The following NT5DC3 variants were observed in gnomAD, a reference collection of about 807,000 sequenced individuals.
NT5DC3 encodes the protein 5'-nucleotidase domain containing 3.
Under a neutral mutation model 67.8 loss-of-function variants are expected in NT5DC3, and 42 were observed. The ratio of observed to expected loss-of-function variants is 0.62; its 90% CI spans 0.48 to 0.80. The LOEUF (loss-of-function observed/expected upper bound fraction) is 0.80, where lower values mean the gene tolerates loss of function less well. Ranked by LOEUF, NT5DC3 falls within the 30% of genes least tolerant of loss-of-function variation. NT5DC3 has a pLI of 0.00. For missense variants in NT5DC3, 570 were observed against 696.4 expected (o/e 0.82, Z 2.04); for synonymous variants, 237 against 255.6 (o/e 0.93, Z 0.69).
At chr12:103,768,087 CAAAAAAAAA>C (rs34935949), downstream of NT5DC3, among the ~76,000 whole-genome samples, 3 of 87,220 alleles carry the variant, frequency 3.4e-5, no homozygotes, top group African/African-American at 1.3e-4. Flanking sequence ...GACTCCTTCT[CAAAAAAAAA>C]AAAAAAAAAA....
At chr12:103,746,412 G>A in the NT5DC3 span, 2 of 588,718 alleles carry the variant, frequency 3.4e-6, no homozygotes, top group Non-Finnish European at 3.1e-6. Context: ...CTATAAAAGA[G>A]TAATTCTAGA....
chr12:103,767,965 G>A (rs1477134667), downstream of NT5DC3, among the ~76,000 whole-genome samples: 2 of 151,516 alleles, frequency 1.3e-5, no homozygotes, highest in African/African-American at 4.9e-5. Context: ...GCACGGACCT[G>A]TAATTCCAGC....
chr12:103,813,884 G>A (rs950525249), intron 2 of NT5DC3, among the ~76,000 whole-genome samples: 6 of 152,198 alleles, frequency 3.9e-5, no homozygotes, highest in African/African-American at 1.4e-4. Context: ...TAAAATAGTA[G>A]TTTGCATAAT....
chr12:103,758,988 GA>G, the NT5DC3 span: 4 of 1,394,808 alleles, frequency 2.9e-6, no homozygotes, highest in East Asian at 7.0e-5. Context: ...AGAAGCCTAA[GA>G]AAACCTTGAC....
At chr12:103,786,279 GAAGACCAGGCT>G (rs1411363024) in intron 11 of NT5DC3, among the ~76,000 whole-genome samples, 1 of 152,208 alleles carries the variant, frequency 6.6e-6, no homozygotes, top group Non-Finnish European at 1.5e-5. Flanking sequence ...GGGTAGTTAG[GAAGACCAGGCT>G]AATACAAGGA....
At chr12:103,784,458 C>G (rs1231070135) in intron 12 of NT5DC3, among the ~76,000 whole-genome samples, 1 of 152,220 alleles carries the variant, frequency 6.6e-6, no homozygotes, top group African/African-American at 2.4e-5. Flanking sequence ...CACTCCCAAG[C>G]AGAGTGCCAG....
At chr12:103,818,881 G>A (rs751101429) in intron 1 of NT5DC3, among the ~76,000 whole-genome samples, 3 of 152,126 alleles carry the variant, frequency 2.0e-5, no homozygotes, top group Non-Finnish European at 4.4e-5. Flanking sequence ...TTCTGAATAC[G>A]ACCACGTGGC....
intron 12 of NT5DC3, among the ~76,000 whole-genome samples, chr12:103,782,537 A>G (rs370387503): frequency 1.3e-5 from 2 of 152,204 alleles, no homozygotes; most frequent in African/African-American, 4.8e-5. Flanking sequence ...CAGAGCCTAC[A>G]GCCTGCACAG....
chr12:103,753,313 C>A, the NT5DC3 span: 3 of 1,614,232 alleles, frequency 1.9e-6, no homozygotes, highest in Admixed American at 3.3e-5. Flanking sequence ...AACGAAGCTG[C>A]GACCATGGCA....
chr12:103,834,449 C>G (rs969801971), intron 1 of NT5DC3, among the ~76,000 whole-genome samples: 43 of 152,208 alleles, frequency 2.8e-4, no homozygotes, highest in African/African-American at 9.6e-4. Flanking sequence ...CTGTTACAGC[C>G]TAAAGAAGCC....
At chr12:103,801,371 G>GC (rs1886566745) in intron 4 of NT5DC3, among the ~76,000 whole-genome samples, 2 of 134,176 alleles carry the variant, frequency 1.5e-5, no homozygotes, top group Admixed American at 7.5e-5. Flanking sequence ...TTTGGGGTGG[G>GC]CTTTTTTTTT....
the NT5DC3 span, among the ~76,000 whole-genome samples, chr12:103,748,808 C>A: frequency 1.7e-4 from 26 of 152,272 alleles, no homozygotes; most frequent in African/African-American, 5.5e-4. Flanking sequence ...CAAAGGCCAG[C>A]ACAGAGGCCA....
downstream of NT5DC3, chr12:103,766,346 C>A: frequency 1.9e-6 from 3 of 1,601,756 alleles, no homozygotes; most frequent in South Asian, 1.1e-5. Context: ...AGGGCCTGGA[C>A]GGGAGATGCC....
intron 5 of NT5DC3, among the ~76,000 whole-genome samples, chr12:103,797,338 G>T (rs1338277916): frequency 6.6e-6 from 1 of 151,946 alleles, no homozygotes; most frequent in Non-Finnish European, 1.5e-5. Flanking sequence ...GGGCATGGTG[G>T]TGGGTGCCTG....
At chr12:103,770,829 T>C (rs948721010), downstream of NT5DC3, 1 of 152,304 alleles carries the variant, frequency 6.6e-6, no homozygotes, top group Non-Finnish European at 1.5e-5. Context: ...GTGATAACAC[T>C]AGGAGGGTGG....
the NT5DC3 span, chr12:103,746,482 C>A: frequency 1.1e-6 from 1 of 893,882 alleles, no homozygotes; most frequent in Non-Finnish European, 1.8e-6. Context: ...TCCTGCTGTA[C>A]AGGGGCACTT....
At chr12:103,788,956 A>C (rs756475263) in intron 9 of NT5DC3, 37 bp from the exon 10 acceptor site, 2 of 1,313,100 alleles carry the variant, frequency 1.5e-6, no homozygotes, top group Admixed American at 3.4e-5. Context: ...GACATGGAGT[A>C]GTACAGGCTG....
chr12:103,798,514 T>C, intron 5 of NT5DC3, 73 bp downstream of exon 5: 4 of 982,316 alleles, frequency 4.1e-6, no homozygotes, highest in Non-Finnish European at 6.5e-6. Context: ...ATATAAGCAG[T>C]AGGTAAGTTC....
chr12:103,798,679 T>TG lies in NT5DC3; in HGVS notation c.525-3dup, dbSNP rs1162899608. 6 of 1,607,684 alleles carry TG rather than the reference T, an allele frequency of 3.7e-6. No individual in the cohort carries two copies. The highest frequency in any genetic ancestry group is 5.1e-6 in the Non-Finnish European group (6 of 1,174,180). On this transcript the variant is annotated splice_polypyrimidine_tract_variant and splice_region_variant and intron_variant, in intron 4 of 13. Coordinates refer to ENST00000392876, the MANE Select transcript of NT5DC3 (RefSeq NM_001031701.3). ...TCATCAGGGACAACACTGAGGCCTC[T>TG]GGAAAAACCAGATGGTGCAGTTAAA...
Sources: allele counts gnomAD v4.1 joint callset (sites outside exome capture counted in the v4.1 genomes callset), GRCh38; gene constraint gnomAD v4.1.1; transcripts MANE v1.5; gene names NCBI Gene and HGNC (gene_info 2026-07-23, HGNC 2026-07-21).